Variants in MTMR8 observed in about 807,000 individuals in gnomAD.
The protein encoded by MTMR8 is phosphatidylinositol-3,5-bisphosphate 3-phosphatase MTMR8.
MTMR8 carries 65 observed loss-of-function variants against 39.3 expected under a neutral mutation model. The observed-to-expected ratio is 1.65, with a 90% confidence interval of 1.35 to 2.03. The LOEUF is 2.03. Ranked by LOEUF, MTMR8 falls within the 30% of genes most tolerant of loss-of-function variation. The pLI, the probability that MTMR8 is intolerant of heterozygous loss-of-function variation, is 0.00. For synonymous variants in MTMR8, 245 were observed against 185.2 expected (o/e 1.32, Z -2.62); for missense variants, 777 against 538.9 (o/e 1.44, Z -4.37).
chrX:64,292,199 A>G (rs1223523627), intron 12 of MTMR8, among the ~76,000 whole-genome samples: 2 of 112,088 alleles, frequency 1.8e-5, no homozygotes, highest in Non-Finnish European at 3.8e-5. Flanking sequence ...ATTGGGAGAC[A>G]CTTGCAAGCA....
chrX:64,268,475 T>C lies in MTMR8; in HGVS notation c.*62A>G. Reference sequence around the variant, plus strand: ...CAATTGGAAAAGCAGCATAGCCCTCTCTGGGACAAGAATCATTGTAGCTGC... The same window carrying C: ...CAATTGGAAAAGCAGCATAGCCCTCCCTGGGACAAGAATCATTGTAGCTGC... On this transcript the variant is annotated 3_prime_UTR_variant, in exon 14 of 14. Coordinates refer to ENST00000374852, the MANE Select transcript of MTMR8 (RefSeq NM_017677.4). The C allele has an allele frequency of 5.2e-6, 6 of 1,147,393 alleles. No homozygotes were observed. Among genetic ancestry groups the C allele is most frequent in the Non-Finnish European group, 7.0e-6 (6 of 863,121 alleles). 94.6% of individuals were successfully genotyped at this position (1,147,393 alleles called of 1,213,427 possible).
rs1234090205 is a variant in MTMR8 at position 64,337,152 on chromosome X, T to A, written c.1101+116A>T. 6 of 780,009 alleles carry A rather than the reference T, an allele frequency of 7.7e-6. No homozygotes were observed. The East Asian group carries it at 1.7e-4, about 22-fold the overall frequency. 64.3% of individuals were successfully genotyped at this position (780,009 alleles called of 1,213,427 possible). A position where few individuals can be genotyped will look rare whatever the true frequency, so the allele number is the denominator to read the frequency against. The stretch of plus-strand genomic sequence containing the variant: ...TGAAAAGAAGCTAAATTGGAAAAGC[T>A]ATTTTTGTAGACTTAGAGCTAACTC... On this transcript the variant is annotated intron_variant, in intron 9 of 13. Transcript: ENST00000374852.
chrX:64,369,768 A>T (rs1872048595), intron 1 of MTMR8, among the ~76,000 whole-genome samples: 1 of 111,318 alleles, frequency 9.0e-6, no homozygotes, highest in Non-Finnish European at 1.9e-5. Flanking sequence ...TATAATTTTA[A>T]AAAAAAATTA....
chrX:64,361,151 T>C (rs1197510389), intron 1 of MTMR8, among the ~76,000 whole-genome samples: 1 of 111,843 alleles, frequency 8.9e-6, no homozygotes, highest in Non-Finnish European at 1.9e-5. Flanking sequence ...GGAAAACTTA[T>C]AAGAACTGTT....
At chrX:64,300,003 T>C (rs1238856335) in intron 12 of MTMR8, among the ~76,000 whole-genome samples, 1 of 80,363 alleles carries the variant, frequency 1.2e-5, no homozygotes, top group African/African-American at 4.7e-5. Flanking sequence ...CTTCCAACTA[T>C]GTGGTCAATT....
At position 64,349,968 on chromosome X, in the gene MTMR8, G is replaced by A. The variant is rs1382743614; in HGVS notation, c.571C>T (p.Leu191Phe). The stretch of plus-strand genomic sequence containing the variant: ...TTGTTCTCTTTGTAGAGGTAGGAGA[G>A]CACAGGGACACGTTCTTTACTTCTG... ...KFRSKERVPVLSYLYKENNAA... is the reference protein window; with the variant it reads ...KFRSKERVPVFSYLYKENNAA... Residue 191 changes from leucine (L) to phenylalanine (F), a missense_variant, in exon 5 of 14, where the codon CTC (leucine) becomes TTC (phenylalanine). Coordinates refer to ENST00000374852, the MANE Select transcript of MTMR8 (RefSeq NM_017677.4). 2 of 1,193,191 alleles carry A rather than the reference G, an allele frequency of 1.7e-6. No individual in the cohort carries two copies. Among genetic ancestry groups the A allele is most frequent in the Admixed American group, 2.2e-5 (1 of 44,885 alleles).
At chrX:64,368,969 C>G (rs1437180297) in intron 1 of MTMR8, among the ~76,000 whole-genome samples, 2 of 112,420 alleles carry the variant, frequency 1.8e-5, no homozygotes. Context: ...AGACACTTCT[C>G]AAAAGAAGAC....
chrX:64,337,049 A>ATAACT (rs1320192028), intron 9 of MTMR8, among the ~76,000 whole-genome samples: 20 of 111,865 alleles, frequency 1.8e-4, no homozygotes, highest in African/African-American at 6.5e-4. Flanking sequence ...TCTGCTACAT[A>ATAACT]TAACTTACCT....
rs1366923589 is a variant in MTMR8 at position 64,295,346 on chromosome X, C to T, written c.1482-24273G>A. On this transcript the variant is annotated intron_variant, in intron 12 of 13. Transcript: ENST00000374852. ...TTCTTTTTTTCTCTCACAAGATTTA[C>T]AAGACTAAAACTGTAAAATTCTTAG... is the stretch of plus-strand genomic sequence containing the variant. Among the ~76,000 whole-genome samples, 6 of 111,122 alleles carry T rather than the reference C, an allele frequency of 5.4e-5. No individual in the cohort carries two copies. In the East Asian group the frequency reaches 1.4e-3, roughly 26 times the overall value.
intron 12 of MTMR8, among the ~76,000 whole-genome samples, chrX:64,292,006 C>T (rs1475218478): frequency 3.6e-5 from 4 of 111,682 alleles, no homozygotes; most frequent in Non-Finnish European, 1.9e-5. Flanking sequence ...ACCTCTGGAC[C>T]ACATGTGGGT....
At chrX:64,388,533 ACTT>A (rs1269570349) in intron 1 of MTMR8, among the ~76,000 whole-genome samples, 1 of 112,333 alleles carries the variant, frequency 8.9e-6, no homozygotes, top group Non-Finnish European at 1.9e-5. Flanking sequence ...TCCACACCCT[ACTT>A]CTCCATGTGC....
At chrX:64,278,930 C>T (rs979560936) in intron 12 of MTMR8, among the ~76,000 whole-genome samples, 2 of 111,926 alleles carry the variant, frequency 1.8e-5, no homozygotes, top group African/African-American at 6.5e-5. Context: ...CTGCCTGTTC[C>T]TTCCTCTGGA....
At chrX:64,301,755 G>A (rs1157245157) in intron 12 of MTMR8, among the ~76,000 whole-genome samples, 7 of 111,335 alleles carry the variant, frequency 6.3e-5, no homozygotes, top group African/African-American at 1.3e-4. Context: ...ATGGGTTTTC[G>A]GTGTGGATGT....
intron 12 of MTMR8, among the ~76,000 whole-genome samples, chrX:64,273,089 G>T (rs1023154596): frequency 2.2e-4 from 24 of 111,246 alleles, no homozygotes; most frequent in African/African-American, 7.8e-4. Context: ...ATGAAAGAAT[G>T]CTAAATAGCA....
chrX:64,343,643 C>A lies in MTMR8; in HGVS notation c.943G>T (p.Ala315Ser), dbSNP rs1923272046. Residue 315 changes from alanine (A) to serine (S), a missense_variant, in exon 8 of 14, where the codon GCT (alanine) becomes TCT (serine). Physicochemically the swap from Ala to Ser is moderately conservative, Grantham distance 99. Transcript: ENST00000374852. Reference protein sequence around the residue: ...ESSGWLRHIKAIMDAGIFITK... With the variant: ...ESSGWLRHIKSIMDAGIFITK... ...ATGAAAATTCCAGCATCCATAATAG[C>A]TTTAATGTGTCTTAACCACCCTGAG... The A allele has an allele frequency of 8.3e-7, 1 of 1,205,088 alleles. No homozygotes were observed. Among genetic ancestry groups the A allele is most frequent in the African/African-American group, 1.7e-5 (1 of 57,229 alleles).
At chrX:64,360,536 T>C (rs962837164) in intron 1 of MTMR8, among the ~76,000 whole-genome samples, 1 of 110,468 alleles carries the variant, frequency 9.1e-6, no homozygotes, top group Non-Finnish European at 1.9e-5. Flanking sequence ...AAAGAGACCA[T>C]GATTACAGCT....
At chrX:64,282,346 C>G in intron 12 of MTMR8, among the ~76,000 whole-genome samples, 1 of 111,079 alleles carries the variant, frequency 9.0e-6, no homozygotes, top group Non-Finnish European at 1.9e-5. Context: ...GAACAACACA[C>G]ACTGAGGCCT....
intron 2 of MTMR8, among the ~76,000 whole-genome samples, chrX:64,358,013 T>C (rs1200512973): frequency 9.0e-6 from 1 of 111,450 alleles, no homozygotes; most frequent in Non-Finnish European, 1.9e-5. Context: ...AGTGCTCCCT[T>C]CCAGATACAG....
chrX:64,288,680 A>G (rs1921288813), intron 12 of MTMR8, among the ~76,000 whole-genome samples: 1 of 111,903 alleles, frequency 8.9e-6, no homozygotes, highest in Non-Finnish European at 1.9e-5. Flanking sequence ...ATGGAATACT[A>G]TGCAGCCATA....
Sources: gnomAD v4.1 joint callset for allele counts (sites outside exome capture counted in the v4.1 genomes callset) on GRCh38, gnomAD v4.1.1 for gene constraint, MANE v1.5 for transcripts, NCBI Gene and HGNC (gene_info 2026-07-23, HGNC 2026-07-21) for gene names.